Variants in AASDH observed in about 807,000 individuals in gnomAD.
AASDH encodes the protein aminoadipate-semialdehyde dehydrogenase.
A neutral mutation model predicts 102.3 loss-of-function variants in AASDH; 81 were observed. The observed-to-expected ratio is 0.79, with a 90% CI of 0.66 to 0.95. The LOEUF (loss-of-function observed/expected upper bound fraction) is 0.95, where lower values mean the gene tolerates loss of function less well. Ranked by LOEUF, AASDH falls within the 40% of genes least tolerant of loss-of-function variation. The pLI, the probability that AASDH is intolerant of heterozygous loss-of-function variation, is 0.00. For missense variants in AASDH, 1,203 were observed against 1,266.2 expected, an observed-to-expected ratio of 0.95 and a Z score of 0.76; for synonymous variants, 398 against 454.0, an observed-to-expected ratio of 0.88 and a Z score of 1.57.
At chr4:56,384,470 C>G (rs1753322160) in intron 1 of AASDH, 129 bp from the exon 2 acceptor site, 1 of 576,420 alleles carries the variant, frequency 1.7e-6, no homozygotes, top group African/African-American at 1.9e-5. Context: ...TGAAGAATCT[C>G]TGAACTTATG....
intron 5 of AASDH, among the ~76,000 whole-genome samples, chr4:56,359,668 C>T (rs1382496450): frequency 6.6e-6 from 1 of 151,994 alleles, no homozygotes; most frequent in South Asian, 2.1e-4. Flanking sequence ...AAGCGATTCT[C>T]CTGCCTCAGC....
At chr4:56,374,248 G>A (rs371488958) in intron 4 of AASDH, among the ~76,000 whole-genome samples, 47 of 151,608 alleles carry the variant, frequency 3.1e-4, no homozygotes, top group African/African-American at 1.1e-3. Context: ...GCATAGTGGC[G>A]TGCACCTATA....
rs149749236 is a variant in AASDH, at chr4:56,355,295, G to A, written c.990C>T (p.Ser330=). The part of the protein sequence containing the change: ...EAFPSLTVLR[S]WRGEGNKTQI... ...GTGTTTTATTGCCTTCTCCTCTCCAGCTTCTGAGAACTGTCAATGATGGAA... is the reference window on the plus strand; with the variant it reads ...GTGTTTTATTGCCTTCTCCTCTCCAACTTCTGAGAACTGTCAATGATGGAA... The change falls in exon 6 of 15, where the codon AGC becomes AGT. Residue 330 remains serine, a synonymous_variant. Coordinates refer to ENST00000205214, the MANE Select transcript of AASDH (RefSeq NM_181806.4). The A allele has an allele frequency of 5.0e-6, 8 of 1,613,998 alleles. No individual in the cohort carries two copies. The African/African-American group carries it at 1.1e-4, about 22-fold the overall frequency.
chr4:56,384,033 G>A (rs779548005), intron 2 of AASDH, 37 bp downstream of exon 2: 4 of 1,525,166 alleles, frequency 2.6e-6, no homozygotes, highest in Admixed American at 3.4e-5. Context: ...ACATTAGCTT[G>A]GAGTAACATC....
rs184811628 is a variant in AASDH at position 56,351,193 on chromosome 4, C to A, written c.1692+149G>T. ...AGAGAATCTAACCTTCATTTTAATACAAATTGGATAAATGAAGATATACTA... is the reference window on the plus strand; with the variant it reads ...AGAGAATCTAACCTTCATTTTAATAAAAATTGGATAAATGAAGATATACTA... On this transcript the variant is annotated intron_variant, in intron 10 of 14. Coordinates refer to ENST00000205214, the MANE Select transcript of AASDH (RefSeq NM_181806.4). 13 of 535,398 alleles carry A rather than the reference C, an allele frequency of 2.4e-5. No homozygotes were observed. The African/African-American group carries it at 2.6e-4, about 11-fold the overall frequency. The allele number at this position is 535,398 out of a possible 1,614,324, so 33.2% of individuals were successfully genotyped here. A position where few individuals can be genotyped will look rare whatever the true frequency, so the allele number is the denominator to read the frequency against.
rs767349223 is a variant in AASDH, at chr4:56,349,938, T to C, written c.1813A>G (p.Thr605Ala). ...LLSEIEKLVG[T>A]SVPGLLEIIL... ...ATTTCCAGAAGCCCAGGTACTGATG[T>C]ACCAACAAGTTTTTCAATCTCACTG... Residue 605 changes from threonine (T) to alanine (A), a missense_variant, in exon 11 of 15, where the codon ACA (threonine) becomes GCA (alanine). Coordinates refer to ENST00000205214, the MANE Select transcript of AASDH (RefSeq NM_181806.4). The C allele has an allele frequency of 1.2e-6, 2 of 1,614,040 alleles. No individual in the cohort carries two copies. Among genetic ancestry groups the C allele is most frequent in the South Asian group, 1.1e-5 (1 of 91,086 alleles).
chr4:56,339,387 C>T (rs10461357), intron 14 of AASDH, among the ~76,000 whole-genome samples: 26,056 of 151,874 alleles, frequency 0.17, 2,607 homozygotes, highest in Admixed American at 0.3. Flanking sequence ...CCTCGTGATC[C>T]GCCCACCTCG....
At chr4:56,372,704 G>A (rs968452316) in intron 4 of AASDH, among the ~76,000 whole-genome samples, 6 of 152,190 alleles carry the variant, frequency 3.9e-5, no homozygotes, top group African/African-American at 1.4e-4. Context: ...GGGGCCGAAA[G>A]GCTGTGATAC....
In AASDH at chr4:56,356,739, C is replaced by T. The variant is rs964247797; in HGVS notation, c.862-1316G>A. ...ACAGGAAGACCTGTACCACTGTCGC[C>T]TTCACACAGGTTAACTTGGAAGACA... On this transcript the variant is annotated intron_variant, in intron 5 of 14. Transcript: ENST00000205214. The T allele has an allele frequency of 8.4e-6, 6 of 718,238 alleles. No individual in the cohort carries two copies. In the Admixed American group the frequency reaches 1.1e-4, roughly 13 times the overall value. 44.5% of individuals were successfully genotyped at this position (718,238 alleles called of 1,614,324 possible).
intron 9 of AASDH, 61 bp from the exon 10 acceptor site, chr4:56,351,518 TTATA>T (rs536824549): frequency 4.3e-6 from 4 of 924,662 alleles, no homozygotes; most frequent in Non-Finnish European, 6.7e-6. Flanking sequence ...CTCAAAGCCT[TTATA>T]TATTCATTAG....
chr4:56,345,060 G>A (rs1210993048), intron 12 of AASDH, 67 bp downstream of exon 12: 1 of 1,537,568 alleles, frequency 6.5e-7, no homozygotes, highest in Non-Finnish European at 8.8e-7. Context: ...TCCCACCTCA[G>A]CCTCTGGAGT....
chr4:56,364,634 G>A (rs914372010), intron 5 of AASDH, among the ~76,000 whole-genome samples: 2 of 152,110 alleles, frequency 1.3e-5, no homozygotes, highest in East Asian at 3.9e-4. Flanking sequence ...CATAAGTGAA[G>A]GAGAAATAAA....
chr4:56,339,873 C>CAGTT (rs1229233413), intron 14 of AASDH, among the ~76,000 whole-genome samples: 2 of 151,280 alleles, frequency 1.3e-5, no homozygotes, highest in African/African-American at 2.4e-5. Flanking sequence ...CAATGATAAA[C>CAGTT]AGTTATAAGT....
Position 56,364,553 on chromosome 4 carries a change from G to GA in AASDH, c.861+6897dup, listed in dbSNP as rs1485099330. Among the ~76,000 whole-genome samples, 7 of 152,300 alleles carry GA rather than the reference G, an allele frequency of 4.6e-5. No individual in the cohort carries two copies. In the East Asian group the frequency reaches 1.4e-3, roughly 29 times the overall value. ...AACTCTACAAGCCAGAAGAGAGTGG[G>GA]AGCCAATATTCAACATTCTTAAAGA... On this transcript the variant is annotated intron_variant, in intron 5 of 14. Coordinates refer to ENST00000205214, the MANE Select transcript of AASDH (RefSeq NM_181806.4).
chr4:56,367,883 T>G (rs1197937532), intron 5 of AASDH, among the ~76,000 whole-genome samples: 1 of 151,484 alleles, frequency 6.6e-6, no homozygotes, highest in African/African-American at 2.4e-5. Context: ...CTCATTAAAC[T>G]AAAGAGCTTC....
intron 2 of AASDH, 138 bp from the exon 3 acceptor site, chr4:56,382,735 G>C: frequency 1.2e-5 from 12 of 977,806 alleles, no homozygotes; most frequent in Non-Finnish European, 1.8e-5. Flanking sequence ...TTGCTGATCA[G>C]AAATTTCCAA....
At chr4:56,365,940 T>C (rs55800053) in intron 5 of AASDH, among the ~76,000 whole-genome samples, 1,871 of 152,204 alleles carry the variant, frequency 0.012, 16 homozygotes, top group South Asian at 0.021. Context: ...AGCTGGTTTT[T>C]TGAAAAGATC....
At chr4:56,349,111 C>T (rs1463394275) in intron 11 of AASDH, 152 bp downstream of exon 11, 1 of 806,136 alleles carries the variant, frequency 1.2e-6, no homozygotes, top group African/African-American at 1.7e-5. Flanking sequence ...ACCCCAAGGC[C>T]CACAATATTA....
intron 4 of AASDH, among the ~76,000 whole-genome samples, chr4:56,376,163 A>G (rs1020240050): frequency 6.6e-6 from 1 of 151,782 alleles, no homozygotes; most frequent in Admixed American, 6.6e-5. Context: ...TGCTAGGATT[A>G]TAGGCACAGA....
Sources: gnomAD v4.1 joint callset for allele counts (sites outside exome capture counted in the v4.1 genomes callset) on GRCh38, gnomAD v4.1.1 for gene constraint, MANE v1.5 for transcripts, NCBI Gene and HGNC (gene_info 2026-07-23, HGNC 2026-07-21) for gene names.